The following RGS7 variants were observed in gnomAD, a reference collection of about 807,000 sequenced individuals.
RGS7 encodes regulator of G protein signaling 7, also known as regulator of G-protein signaling 7.
RGS7 carries 27 observed loss-of-function variants against 81.1 expected under a neutral mutation model. The ratio of observed to expected loss-of-function variants is 0.33; its 90% confidence interval spans 0.25 to 0.46. RGS7 has a LOEUF of 0.46. RGS7 is among the 20% of genes least tolerant of loss of function. The pLI, the probability that RGS7 is intolerant of heterozygous loss-of-function variation, is 1.00. For missense variants in RGS7, 396 were observed against 607.4 expected (o/e 0.65, Z 3.66); for synonymous variants, 208 against 207.7 (o/e 1.00, Z -0.01).
intron 5 of RGS7, among the ~76,000 whole-genome samples, chr1:240,933,515 T>G (rs1256595402): frequency 2.0e-5 from 3 of 151,990 alleles, no homozygotes; most frequent in African/African-American, 7.2e-5. Flanking sequence ...ATATGGAAGA[T>G]TTTTTCTAAG....
intron 6 of RGS7, among the ~76,000 whole-genome samples, chr1:240,910,140 A>C (rs1671506333): frequency 6.6e-6 from 1 of 152,180 alleles, no homozygotes; most frequent in African/African-American, 2.4e-5. Context: ...TAAGGAAAGA[A>C]ATTCTTTTGT....
chr1:241,041,908 G>A (rs1393784493), intron 3 of RGS7, among the ~76,000 whole-genome samples: 3 of 152,086 alleles, frequency 2.0e-5, no homozygotes, highest in Non-Finnish European at 4.4e-5. Flanking sequence ...CTTATTTGTT[G>A]TTGTGTCCCT....
intron 2 of RGS7, among the ~76,000 whole-genome samples, chr1:241,111,600 AC>A (rs768175493): frequency 1.3e-5 from 2 of 148,868 alleles, no homozygotes; most frequent in Non-Finnish European, 1.5e-5. Flanking sequence ...ACATAGCAAG[AC>A]CCCCCCTCTC....
chr1:241,339,454 A>T (rs1391650578), intron 2 of RGS7, among the ~76,000 whole-genome samples: 1 of 152,234 alleles, frequency 6.6e-6, no homozygotes, highest in Non-Finnish European at 1.5e-5. Context: ...CTAGAGAGCA[A>T]ATAGATTGTT....
In RGS7 at chr1:241,267,477, C is replaced by G. The variant is rs117472550; in HGVS notation, c.78+88222G>C. On this transcript the variant is annotated intron_variant, in intron 2 of 18. Coordinates refer to ENST00000440928, the MANE Select transcript of RGS7 (RefSeq NM_001364886.1). The stretch of plus-strand genomic sequence containing the variant: ...CACAATAATTTGCCTTTTTTTCTCT[C>G]TCTTTCAATTTTTGGGGCTGGCTAC... Among the ~76,000 whole-genome samples the G allele has an allele frequency of 3.2e-4, 48 of 152,092 alleles. No individual in the cohort carries two copies. The East Asian group carries it at 8.5e-3, about 27-fold the overall frequency.
intron 2 of RGS7, among the ~76,000 whole-genome samples, chr1:241,213,891 A>G (rs1261858074): frequency 6.6e-6 from 1 of 152,086 alleles, no homozygotes; most frequent in Non-Finnish European, 1.5e-5. Context: ...CAGCCTCCCA[A>G]TTAGCTGGGA....
intron 6 of RGS7, among the ~76,000 whole-genome samples, chr1:240,928,731 C>T (rs544388841): frequency 1.3e-5 from 2 of 151,918 alleles, no homozygotes; most frequent in African/African-American, 2.4e-5. Flanking sequence ...GCCTCAGCCT[C>T]CCAGGTAAGC....
chr1:241,133,058 G>A lies in RGS7; in HGVS notation c.79-34296C>T, dbSNP rs570533493. 3.3e-5 allele frequency among the ~76,000 whole-genome samples: 5 copies of A among 152,146 alleles called. No homozygotes were observed. The South Asian group carries it at 6.2e-4, about 19-fold the overall frequency. On this transcript the variant is annotated intron_variant, in intron 2 of 18. Coordinates refer to ENST00000440928, the MANE Select transcript of RGS7 (RefSeq NM_001364886.1). The stretch of plus-strand genomic sequence containing the variant: ...ATTACGGGCCTGAGCCACTGCGCCC[G>A]GCAATTCAACTTATTAATACTAGAA...
At chr1:241,247,457 A>C (rs185916353) in intron 2 of RGS7, among the ~76,000 whole-genome samples, 1 of 152,150 alleles carries the variant, frequency 6.6e-6, no homozygotes, top group African/African-American at 2.4e-5. Context: ...CAAGGTGGAG[A>C]CGAGAGACTG....
At chr1:241,251,926 C>T (rs183395715) in intron 2 of RGS7, among the ~76,000 whole-genome samples, 9 of 152,244 alleles carry the variant, frequency 5.9e-5, no homozygotes, top group East Asian at 3.9e-4. Context: ...AACAGCCCTC[C>T]GCAGCCACAC....
chr1:241,172,550 G>A (rs890281039), intron 2 of RGS7, among the ~76,000 whole-genome samples: 4 of 152,038 alleles, frequency 2.6e-5, no homozygotes, highest in Non-Finnish European at 5.9e-5. Context: ...TAAGGCTAGG[G>A]GGATAGCAAA....
chr1:241,025,944 G>C (rs780788078), intron 3 of RGS7, among the ~76,000 whole-genome samples: 27 of 152,168 alleles, frequency 1.8e-4, no homozygotes, highest in Non-Finnish European at 3.8e-4. Flanking sequence ...AAATCTTCAT[G>C]CTGTTCGTGC....
intron 3 of RGS7, among the ~76,000 whole-genome samples, chr1:241,019,983 T>C (rs1173464234): frequency 6.6e-6 from 1 of 152,208 alleles, no homozygotes. Flanking sequence ...AGTGATGACT[T>C]CAAAAGAGTG....
chr1:241,119,366 T>C (rs1223455363), intron 2 of RGS7, among the ~76,000 whole-genome samples: 2 of 152,208 alleles, frequency 1.3e-5, no homozygotes, highest in African/African-American at 4.8e-5. Flanking sequence ...GAAAATGCTT[T>C]GAATAGGAAG....
chr1:241,228,071 G>T (rs547559821), intron 2 of RGS7, among the ~76,000 whole-genome samples: 1 of 152,282 alleles, frequency 6.6e-6, no homozygotes, highest in African/African-American at 2.4e-5. Context: ...AAAGCCATGG[G>T]GCTTGTGCTT....
In RGS7 at chr1:241,292,169, C is replaced by T. The variant is rs372664167; in HGVS notation, c.78+63530G>A. ...ACAATACCTTCTTCTGGAATACCTC[C>T]TGAAGGACCTTCCTGACGCTGTTTT... On this transcript the variant is annotated intron_variant, in intron 2 of 18. Transcript: ENST00000440928. Among the ~76,000 whole-genome samples, 226 of 152,262 alleles carry T rather than the reference C, an allele frequency of 1.5e-3. 3 individuals are homozygous for T. The highest frequency in any genetic ancestry group is 5.0e-3 in the African/African-American group (206 of 41,536).
intron 4 of RGS7, among the ~76,000 whole-genome samples, chr1:240,956,935 G>A (rs193074541): frequency 1.5e-4 from 23 of 152,274 alleles, no homozygotes; most frequent in African/African-American, 5.1e-4. Context: ...GGTTAAGGCC[G>A]TCAAAAACAA....
At chr1:241,352,026 G>C (rs1472915866) in intron 2 of RGS7, among the ~76,000 whole-genome samples, 1 of 152,178 alleles carries the variant, frequency 6.6e-6, no homozygotes, top group South Asian at 2.1e-4. Flanking sequence ...TGAAAGTGAT[G>C]TATACTGTCT....
intron 2 of RGS7, among the ~76,000 whole-genome samples, chr1:241,117,045 G>A (rs895104246): frequency 1.3e-5 from 2 of 152,108 alleles, no homozygotes; most frequent in African/African-American, 4.8e-5. Context: ...GGCCCTCTAC[G>A]AGGTAGTATA....
Sources: allele counts gnomAD v4.1 joint callset (sites outside exome capture counted in the v4.1 genomes callset), GRCh38; gene constraint gnomAD v4.1.1; transcripts MANE v1.5; gene names NCBI Gene and HGNC (gene_info 2026-07-23, HGNC 2026-07-21).